The following KCNH6 variants were observed in gnomAD, a reference collection of about 807,000 sequenced individuals.
KCNH6 encodes the protein voltage-gated inwardly rectifying potassium channel KCNH6.
In KCNH6, 81 loss-of-function variants were observed where a neutral mutation model predicts 83.4. The ratio of observed to expected loss-of-function variants is 0.97; its 90% CI spans 0.81 to 1.17. The LOEUF is 1.17. Ranked by LOEUF, KCNH6 falls within the 50% of genes most tolerant of loss-of-function variation. The probability of loss-of-function intolerance (pLI) is 0.00; values close to 1 mark genes in which losing one functional copy is unlikely to be tolerated. For missense variants in KCNH6, 1,203 were observed against 1,290.5 expected (o/e 0.93, Z 1.04); for synonymous variants, 503 against 545.6 (o/e 0.92, Z 1.09).
At chr17:63,526,543 G>T (rs144936143) in intron 2 of KCNH6, among the ~76,000 whole-genome samples, 1 of 152,056 alleles carries the variant, frequency 6.6e-6, no homozygotes, top group African/African-American at 2.4e-5. Context: ...TTTTTGTAGG[G>T]ATGGGGGTCT....
In KCNH6 at chr17:63,536,952, CAAAAAAAAAAA is replaced by C. The variant is rs60039258; in HGVS notation, c.1501+899_1501+909del. 1.9e-4 allele frequency among the ~76,000 whole-genome samples: 11 copies of C among 56,514 alleles called. No individual in the cohort carries two copies. The Admixed American group carries it at 2.1e-3, about 11-fold the overall frequency. The allele number at this position is 56,514 out of a possible 152,430, so 37.1% of individuals were successfully genotyped here. ...TGGGAGACAGAGCAAGACTCCGTCT[CAAAAAAAAAAA>C]AAAAAAAAAAAAAAGAATTTTTCGA... On this transcript the variant is annotated intron_variant, in intron 6 of 12. Coordinates refer to ENST00000314672, the MANE Select transcript of KCNH6 (RefSeq NM_001278919.2).
chr17:63,526,080 A>T (rs191937015), intron 2 of KCNH6, among the ~76,000 whole-genome samples: 54 of 152,276 alleles, frequency 3.5e-4, no homozygotes, highest in Admixed American at 2.9e-3. Flanking sequence ...TGAGATCAGG[A>T]CTCAGATCAG....
At chr17:63,544,743 GTTCCC>G (rs1388813512) in intron 11 of KCNH6, among the ~76,000 whole-genome samples, 1 of 152,096 alleles carries the variant, frequency 6.6e-6, no homozygotes, top group Non-Finnish European at 1.5e-5. Context: ...TTCTGGCTCT[GTTCCC>G]TACCAGCAAG....
rs752187816 is a variant in KCNH6 at position 63,530,342 on chromosome 17, T to C, written c.475T>C (p.Ser159Pro). The C allele has an allele frequency of 1.2e-6, 2 of 1,614,102 alleles. No individual in the cohort carries two copies. Among genetic ancestry groups the C allele is most frequent in the Non-Finnish European group, 1.7e-6 (2 of 1,179,996 alleles). ...ACTCCTGGCCCTGGTTTCAGAGGGC[T>C]CTCATGGCAGGCCAGGCGGACCAGG... ...LSQSFLGSEG[S>P]HGRPGGPGPG... Residue 159 changes from serine (S) to proline (P), a missense_variant, in exon 4 of 13, where the codon TCT becomes CCT. Physicochemically the swap from Ser to Pro is moderately conservative, Grantham distance 74. Transcript: ENST00000314672.
intron 2 of KCNH6, among the ~76,000 whole-genome samples, chr17:63,529,728 G>A (rs913552728): frequency 2.0e-5 from 3 of 152,090 alleles, no homozygotes; most frequent in Admixed American, 6.6e-5. Context: ...CAGCTCCATG[G>A]GGTAGAATGC....
intron 4 of KCNH6, among the ~76,000 whole-genome samples, chr17:63,530,878 G>A (rs758041916): frequency 2.6e-5 from 4 of 152,298 alleles, no homozygotes; most frequent in African/African-American, 7.2e-5. Context: ...GGCTCAGCCC[G>A]TCACAGGGAA....
At chr17:63,547,382 G>A (rs1418411436), downstream of KCNH6, among the ~76,000 whole-genome samples, 1 of 1,242 alleles carries the variant, frequency 8.1e-4, no homozygotes, top group Non-Finnish European at 1.7e-3. Flanking sequence ...CCCTGGGCAA[G>A]GGAATAAGAC....
chr17:63,546,898 C>G (rs901375604), downstream of KCNH6, among the ~76,000 whole-genome samples: 1 of 152,102 alleles, frequency 6.6e-6, no homozygotes, highest in Non-Finnish European at 1.5e-5. Context: ...GCTGTTAGGC[C>G]GAGGTGAAGG....
At chr17:63,545,390 C>A in intron 12 of KCNH6, 126 bp downstream of exon 12, 2 of 1,065,464 alleles carry the variant, frequency 1.9e-6, no homozygotes, top group Non-Finnish European at 2.7e-6. Context: ...AGGGCTTCTG[C>A]TTACCTCCTT....
At position 63,546,097 on chromosome 17, in the gene KCNH6, G is replaced by A. The variant is rs958946464; in HGVS notation, c.*195G>A. The A allele has an allele frequency of 7.8e-5, 42 of 540,662 alleles. No individual in the cohort carries two copies. Among genetic ancestry groups the A allele is most frequent in the Non-Finnish European group, 1.0e-4 (32 of 305,422 alleles). The allele number at this position is 540,662 out of a possible 1,614,324, so 33.5% of individuals were successfully genotyped here. On this transcript the variant is annotated 3_prime_UTR_variant, in exon 13 of 13. Coordinates refer to ENST00000314672, the MANE Select transcript of KCNH6 (RefSeq NM_001278919.2). ...AAATTAAAAAAGAAAAAAAATAGCC[G>A]GGCGTGGTGGCAGGCGCCTGTAATC...
Position 63,534,670 on chromosome 17 carries a change from A to G in KCNH6, c.1101+359A>G, listed in dbSNP as rs939234008. ...GATCCCCAGGCCACTCCCCCAGTGC[A>G]CCCTGGCTCCCACCTTGCTCCCTAG... is the stretch of plus-strand genomic sequence containing the variant. On this transcript the variant is annotated intron_variant, in intron 5 of 12. Transcript: ENST00000314672. This position sits in a 1 kb window ranked among gnomAD's most constrained non-coding sequence, Gnocchi z 5.0. Among the ~76,000 whole-genome samples the G allele has an allele frequency of 1.3e-5, 2 of 151,896 alleles. No homozygotes were observed. The highest frequency in any genetic ancestry group is 2.4e-5 in the African/African-American group (1 of 41,334).
rs2032351395 is a variant in KCNH6 at position 63,534,505 on chromosome 17, C to T, written c.1101+194C>T. Among the ~76,000 whole-genome samples, 1 of 152,146 alleles carries T rather than the reference C, an allele frequency of 6.6e-6. No individual in the cohort carries two copies. The highest frequency in any genetic ancestry group is 2.1e-4 in the South Asian group (1 of 4,834). On this transcript the variant is annotated intron_variant, in intron 5 of 12. Transcript: ENST00000314672. The surrounding 1 kb of genome is among the most constrained non-coding windows in gnomAD (Gnocchi z 5.0). The stretch of plus-strand genomic sequence containing the variant: ...GGAGAAGGACCTGCCAAGGCTGCAC[C>T]CCCAGGCCTCTGTCCCTCTGCCCCC...
downstream of KCNH6, chr17:63,548,757 TTTTC>T (rs1207357170): frequency 1.3e-5 from 2 of 152,314 alleles, no homozygotes; most frequent in African/African-American, 4.8e-5. Flanking sequence ...TTGTACGTCT[TTTTC>T]TTTCCTTTTT....
chr17:63,532,520 G>A (rs1167019743), intron 4 of KCNH6, among the ~76,000 whole-genome samples: 1 of 152,182 alleles, frequency 6.6e-6, no homozygotes. Flanking sequence ...AAGAGCCCAA[G>A]TCTATGTGGA....
Position 63,523,463 on chromosome 17 carries a change from C to T in KCNH6, c.50C>T (p.Thr17Ile), listed in dbSNP as rs1254332321. ...HVAPQNTYLD[T>I]IIRKFEGQSR... Reference sequence around the variant, plus strand: ...GCTCCCCAAAACACTTACCTGGACACCATCATCCGCAAGTTCGAGGGCCAA... The same window carrying T: ...GCTCCCCAAAACACTTACCTGGACATCATCATCCGCAAGTTCGAGGGCCAA... The change falls in exon 1 of 13, where the codon ACC becomes ATC. Residue 17 changes from threonine to isoleucine, a missense_variant. Coordinates refer to ENST00000314672, the MANE Select transcript of KCNH6 (RefSeq NM_001278919.2). The surrounding 1 kb of genome is among the most constrained non-coding windows in gnomAD (Gnocchi z 4.2). 2 of 1,608,130 alleles carry T rather than the reference C, an allele frequency of 1.2e-6. No homozygotes were observed. Among genetic ancestry groups the T allele is most frequent in the South Asian group, 2.2e-5 (2 of 90,736 alleles).
At chr17:63,528,854 A>T (rs1214471998) in intron 2 of KCNH6, among the ~76,000 whole-genome samples, 4 of 67,588 alleles carry the variant, frequency 5.9e-5, no homozygotes, top group Non-Finnish European at 1.2e-4. Flanking sequence ...TGTTTGTTTG[A>T]GACAGAGTCT....
Position 63,545,839 on chromosome 17 carries a change from C to T in KCNH6, c.2814C>T (p.Pro938=). Residue 938 remains proline (P), a synonymous_variant, in exon 13 of 13, where the codon CCC becomes CCT. Transcript: ENST00000314672. Reference sequence around the variant, plus strand: ...TCCCTGAACACCTTGGCTCTGTTCCCAAGCAGCTGGACTTCCAGAGACATG... The same window carrying T: ...TCCCTGAACACCTTGGCTCTGTTCCTAAGCAGCTGGACTTCCAGAGACATG... ...SSLPEHLGSV[P]KQLDFQRHGS... 2.5e-6 allele frequency: 4 copies of T among 1,614,106 alleles called. No individual in the cohort carries two copies. The highest frequency in any genetic ancestry group is 3.4e-6 in the Non-Finnish European group (4 of 1,180,016).
At chr17:63,530,651 C>T (rs2032044834) in intron 4 of KCNH6, 109 bp downstream of exon 4, 1 of 924,310 alleles carries the variant, frequency 1.1e-6, no homozygotes, top group Non-Finnish European at 1.7e-6. Flanking sequence ...AGAGATCCTG[C>T]CTGTCCAGCC....
chr17:63,545,795 G>A lies in KCNH6; in HGVS notation c.2770G>A (p.Gly924Ser). The change falls in exon 13 of 13, where the codon GGT becomes AGT. Residue 924 changes from glycine to serine, a missense_variant. Gly to Ser is a moderately conservative substitution (Grantham distance 56). Transcript: ENST00000314672. ...CCTGGAAGTACAAGGACTCATCTGTGGTCCCTGCTTCTCCTCCCTCCCTGA... is the reference window on the plus strand; with the variant it reads ...CCTGGAAGTACAAGGACTCATCTGTAGTCCCTGCTTCTCCTCCCTCCCTGA... Reference protein sequence around the residue: ...HPLEVQGLICGPCFSSLPEHL... With the variant: ...HPLEVQGLICSPCFSSLPEHL... The A allele has an allele frequency of 6.2e-7, 1 of 1,614,118 alleles. No homozygotes were observed. Among genetic ancestry groups the A allele is most frequent in the Non-Finnish European group, 8.5e-7 (1 of 1,180,010 alleles).
Sources: gnomAD v4.1 joint callset for allele counts (sites outside exome capture counted in the v4.1 genomes callset) on GRCh38, gnomAD v4.1.1 for gene constraint, Gnocchi (gnomAD v3.1) non-coding constraint, MANE v1.5 for transcripts, NCBI Gene and HGNC (gene_info 2026-07-23, HGNC 2026-07-21) for gene names.